Variants in PSTPIP2 observed in about 807,000 individuals in gnomAD.
The protein encoded by PSTPIP2 is proline-serine-threonine phosphatase-interacting protein 2.
A neutral mutation model predicts 63.3 loss-of-function variants in PSTPIP2; 33 were observed. That is an observed-to-expected ratio of 0.52 (90% CI 0.40 to 0.70). PSTPIP2 has a LOEUF of 0.70. PSTPIP2 is among the 30% of genes least tolerant of loss of function. The pLI is 0.00. For synonymous variants in PSTPIP2, 125 were observed against 132.7 expected, an observed-to-expected ratio of 0.94 and a Z score of 0.40; for missense variants, 312 against 400.7, an observed-to-expected ratio of 0.78 and a Z score of 1.89.
intron 2 of PSTPIP2, among the ~76,000 whole-genome samples, chr18:46,036,173 T>C (rs1043812131): frequency 1.3e-5 from 2 of 149,828 alleles, no homozygotes; most frequent in Admixed American, 1.3e-4. Flanking sequence ...GTTAATGTGT[T>C]ATAATATTGA....
chr18:46,024,375 C>T (rs765997909), intron 3 of PSTPIP2, among the ~76,000 whole-genome samples: 1 of 152,010 alleles, frequency 6.6e-6, no homozygotes, highest in Non-Finnish European at 1.5e-5. Flanking sequence ...TGGGCCCAAG[C>T]GATCCACCTG....
intron 2 of PSTPIP2, among the ~76,000 whole-genome samples, chr18:46,035,576 T>G (rs962094285): frequency 2.0e-5 from 3 of 151,968 alleles, no homozygotes; most frequent in Non-Finnish European, 4.4e-5. Flanking sequence ...GGCAGAGACA[T>G]CCAAAGCGTG....
intron 2 of PSTPIP2, among the ~76,000 whole-genome samples, chr18:46,026,630 C>G (rs564491529): frequency 6.6e-6 from 1 of 152,304 alleles, no homozygotes; most frequent in African/African-American, 2.4e-5. Flanking sequence ...AATCCCAGCA[C>G]TTTGGGAGGC....
At chr18:46,023,920 A>G (rs1907476731) in intron 3 of PSTPIP2, among the ~76,000 whole-genome samples, 1 of 152,034 alleles carries the variant, frequency 6.6e-6, no homozygotes, top group African/African-American at 2.4e-5. Flanking sequence ...TATATAATAT[A>G]GCCCTACCTA....
intron 1 of PSTPIP2, among the ~76,000 whole-genome samples, chr18:46,063,364 A>G (rs925991477): frequency 2.6e-5 from 4 of 152,178 alleles, no homozygotes; most frequent in African/African-American, 9.7e-5. Context: ...AATAGAAGAA[A>G]TCACAAAACT....
At position 46,048,467 on chromosome 18, in the gene PSTPIP2, C is replaced by T. The variant is rs111789361; in HGVS notation, c.34-8420G>A. On this transcript the variant is annotated intron_variant, in intron 1 of 14. Coordinates refer to ENST00000409746, the MANE Select transcript of PSTPIP2 (RefSeq NM_024430.4). ...TTACAGCAGCAACAGAAAGCTAACA[C>T]AACCACCTTGACCAAAGGATCAAAG... Among the ~76,000 whole-genome samples, 276 of 152,318 alleles carry T rather than the reference C, an allele frequency of 1.8e-3. 1 individual carries two copies. The highest frequency in any genetic ancestry group is 6.3e-3 in the African/African-American group (263 of 41,572).
At chr18:46,040,180 C>G (rs529596032) in intron 1 of PSTPIP2, 133 bp from the exon 2 acceptor site, 79 of 595,568 alleles carry the variant, frequency 1.3e-4, no homozygotes, top group Non-Finnish European at 1.9e-4. Flanking sequence ...CGCAGGGACC[C>G]ACTTAGGAGC....
chr18:45,996,351 T>G (rs1210986408), intron 9 of PSTPIP2, among the ~76,000 whole-genome samples: 1 of 152,204 alleles, frequency 6.6e-6, no homozygotes, highest in Non-Finnish European at 1.5e-5. Context: ...GAAGGCTTAT[T>G]AGCACAGAGA....
chr18:45,997,893 C>T (rs1376051522), intron 8 of PSTPIP2, 65 bp from the exon 9 acceptor site: 2 of 1,445,516 alleles, frequency 1.4e-6, no homozygotes, highest in Non-Finnish European at 1.9e-6. Flanking sequence ...GATACACCCA[C>T]AGGCTGGTCT....
At chr18:46,018,693 C>G (rs952266718) in intron 3 of PSTPIP2, among the ~76,000 whole-genome samples, 1 of 151,932 alleles carries the variant, frequency 6.6e-6, no homozygotes, top group African/African-American at 2.4e-5. Context: ...CTGGTTTAGC[C>G]TTTCATTAAG....
At position 45,988,703 on chromosome 18, in the gene PSTPIP2, A is replaced by G. The variant is rs1220247200; in HGVS notation, c.*7T>C. 1.9e-6 allele frequency: 3 copies of G among 1,542,594 alleles called. No homozygotes were observed. Among genetic ancestry groups the G allele is most frequent in the African/African-American group, 1.4e-5 (1 of 73,056 alleles). On this transcript the variant is annotated splice_region_variant and 3_prime_UTR_variant, in exon 14 of 15. Transcript: ENST00000409746. ...TATGTGAAAAATAAAGGTTCTTACC[A>G]TTGATTTTACTGATAGAGCAAACTG...
chr18:46,035,309 A>G (rs1366135501), intron 2 of PSTPIP2, among the ~76,000 whole-genome samples: 1 of 151,730 alleles, frequency 6.6e-6, no homozygotes, highest in East Asian at 1.9e-4. Flanking sequence ...AATCCCAGCT[A>G]CTCGGGAGGC....
chr18:46,046,872 A>C (rs1908401568), intron 1 of PSTPIP2, among the ~76,000 whole-genome samples: 1 of 152,276 alleles, frequency 6.6e-6, no homozygotes, highest in South Asian at 2.1e-4. Context: ...GTTACTTTGC[A>C]TCTCATACAA....
chr18:46,029,542 G>T lies in PSTPIP2; in HGVS notation c.135-4856C>A, dbSNP rs2075680104. The T allele has an allele frequency of 6.2e-6, 5 of 800,504 alleles. No homozygotes were observed. In the South Asian group the frequency reaches 6.7e-5, roughly 11 times the overall value. The allele number at this position is 800,504 out of a possible 1,614,324, so 49.6% of individuals were successfully genotyped here. On this transcript the variant is annotated intron_variant, in intron 2 of 14. Transcript: ENST00000409746. ...AGTTGCTTGTGGTTCTAATTGTGGA[G>T]CAGTAAATATAAATAATCAAGATTC...
chr18:46,065,144 C>CAAAAAAA (rs35144990), intron 1 of PSTPIP2, among the ~76,000 whole-genome samples: 2 of 80,788 alleles, frequency 2.5e-5, no homozygotes, highest in Admixed American at 1.4e-4. Context: ...AACTCTGTCT[C>CAAAAAAA]AAAAAAAAAA....
At chr18:46,020,825 CT>C (rs942416473) in intron 3 of PSTPIP2, among the ~76,000 whole-genome samples, 3 of 152,198 alleles carry the variant, frequency 2.0e-5, no homozygotes, top group African/African-American at 7.2e-5. Flanking sequence ...AACTGACTGG[CT>C]TTTATCAAGC....
At chr18:46,002,014 A>G (rs775829060) in intron 6 of PSTPIP2, among the ~76,000 whole-genome samples, 26 of 152,174 alleles carry the variant, frequency 1.7e-4, no homozygotes, top group Non-Finnish European at 2.2e-4. Flanking sequence ...ATATGGGGTT[A>G]TGTGTTAACA....
At chr18:46,071,022 G>T (rs561419786) in intron 1 of PSTPIP2, among the ~76,000 whole-genome samples, 9 of 152,292 alleles carry the variant, frequency 5.9e-5, no homozygotes, top group Admixed American at 5.2e-4. Context: ...AGAGCCATCT[G>T]TGGTGCCCTT....
intron 3 of PSTPIP2, among the ~76,000 whole-genome samples, chr18:46,017,095 C>T (rs1259725555): frequency 6.6e-6 from 1 of 152,158 alleles, no homozygotes; most frequent in Admixed American, 6.5e-5. Context: ...AACATCTGCT[C>T]ATAGTTAACT....
Sources: gnomAD v4.1 joint callset for allele counts (sites outside exome capture counted in the v4.1 genomes callset) on GRCh38, gnomAD v4.1.1 for gene constraint, MANE v1.5 for transcripts, NCBI Gene and HGNC (gene_info 2026-07-23, HGNC 2026-07-21) for gene names.